Variants in RNF144A observed in about 807,000 individuals in gnomAD.
RNF144A encodes E3 ubiquitin-protein ligase RNF144A.
RNF144A carries 11 observed loss-of-function variants against 38.7 expected under a neutral mutation model. That is an observed-to-expected ratio of 0.28 (90% confidence interval 0.18 to 0.47). The LOEUF is 0.47. RNF144A is among the 20% of genes least tolerant of loss of function. The probability of loss-of-function intolerance (pLI) is 0.99; values close to 1 mark genes in which losing one functional copy is unlikely to be tolerated. For missense variants in RNF144A, 316 were observed against 377.2 expected (o/e 0.84, Z 1.34); for synonymous variants, 149 against 143.9 (o/e 1.04, Z -0.25).
chr2:7,071,831 TGAA>T (rs1371434141), downstream of RNF144A, among the ~76,000 whole-genome samples: 1 of 152,260 alleles, frequency 6.6e-6, no homozygotes, highest in Non-Finnish European at 1.5e-5. Context: ...TTGCTTTAAA[TGAA>T]GAAGACCATC....
chr2:6,969,301 C>T (rs2103343595), intron 2 of RNF144A, among the ~76,000 whole-genome samples: 1 of 152,164 alleles, frequency 6.6e-6, no homozygotes, highest in African/African-American at 2.4e-5. Context: ...TAAATTAGGT[C>T]ATTGAGGTAG....
At chr2:7,017,594 T>C (rs1671224275) in intron 5 of RNF144A, among the ~76,000 whole-genome samples, 1 of 152,230 alleles carries the variant, frequency 6.6e-6, no homozygotes, top group Admixed American at 6.5e-5. Context: ...GTTTTATGCA[T>C]TTTTAAGCAG....
At chr2:7,038,044 T>C (rs1672797280) in intron 8 of RNF144A, among the ~76,000 whole-genome samples, 1 of 152,250 alleles carries the variant, frequency 6.6e-6, no homozygotes, top group African/African-American at 2.4e-5. Flanking sequence ...GCCGCCTGAC[T>C]CAGATGATGG....
At position 7,038,009 on chromosome 2, in the gene RNF144A, G is replaced by T. The variant is rs187220295; in HGVS notation, c.748-1620G>T. ...AATGGCGAGGCCGGCTGGAAAGCAGGCTCTGTGCCTCTTTGACCAGCCATG... is the reference window on the plus strand; with the variant it reads ...AATGGCGAGGCCGGCTGGAAAGCAGTCTCTGTGCCTCTTTGACCAGCCATG... On this transcript the variant is annotated intron_variant, in intron 8 of 8. Coordinates refer to ENST00000320892, the MANE Select transcript of RNF144A (RefSeq NM_014746.6). Among the ~76,000 whole-genome samples, 783 of 152,358 alleles carry T rather than the reference G, an allele frequency of 5.1e-3. 7 individuals are homozygous for T. Among genetic ancestry groups the T allele is most frequent in the African/African-American group, 0.018 (748 of 41,578 alleles).
intron 2 of RNF144A, among the ~76,000 whole-genome samples, chr2:6,968,394 G>A (rs1667801609): frequency 6.6e-6 from 1 of 152,246 alleles, no homozygotes; most frequent in Non-Finnish European, 1.5e-5. Flanking sequence ...AGCAGGCAAG[G>A]TTAGAACAGA....
chr2:6,961,447 G>A (rs1406990742), intron 2 of RNF144A, among the ~76,000 whole-genome samples: 1 of 151,704 alleles, frequency 6.6e-6, no homozygotes, highest in African/African-American at 2.4e-5. Flanking sequence ...TGCACTGAGT[G>A]CCTTCTGTGT....
At chr2:6,927,705 A>C (rs1664966872) in intron 1 of RNF144A, among the ~76,000 whole-genome samples, 1 of 152,242 alleles carries the variant, frequency 6.6e-6, no homozygotes, top group South Asian at 2.1e-4. Flanking sequence ...TGTGAAAAAC[A>C]GAATGTAGAG....
intron 2 of RNF144A, among the ~76,000 whole-genome samples, chr2:6,952,580 T>TTA (rs1666754556): frequency 2.0e-5 from 3 of 150,490 alleles, no homozygotes; most frequent in African/African-American, 7.3e-5. Context: ...TGAGTCAGTT[T>TTA]TGTTAAGCTT....
At position 7,041,014 on chromosome 2, in the gene RNF144A, T is replaced by C; in HGVS notation, c.*1254T>C. 3 of 985,414 alleles carry C rather than the reference T, an allele frequency of 3.0e-6. No individual in the cohort carries two copies. The highest frequency in any genetic ancestry group is 3.6e-6 in the Non-Finnish European group (3 of 829,922). 61.0% of individuals were successfully genotyped at this position (985,414 alleles called of 1,614,324 possible). A position where few individuals can be genotyped will look rare whatever the true frequency, so the allele number is the denominator to read the frequency against. ...GGACACATACACATTATTCCACCAA[T>C]TGACTTTGAAAAGTGGAGAAAGTGT... On this transcript the variant is annotated 3_prime_UTR_variant, in exon 9 of 9. Coordinates refer to ENST00000320892, the MANE Select transcript of RNF144A (RefSeq NM_014746.6).
chr2:6,918,641 G>A (rs1414412893), intron 1 of RNF144A: 1 of 150,896 alleles, frequency 6.6e-6, no homozygotes, highest in Non-Finnish European at 1.5e-5. Context: ...GCGGGCGCCT[G>A]TAGTCCCAGC....
intron 7 of RNF144A, among the ~76,000 whole-genome samples, chr2:7,028,486 A>T (rs1672071623): frequency 6.6e-6 from 1 of 152,170 alleles, no homozygotes; most frequent in Non-Finnish European, 1.5e-5. Context: ...ATGTGCAGCC[A>T]GGCTTGTCCA....
At position 6,968,693 on chromosome 2, in the gene RNF144A, G is replaced by GTTT. The variant is rs5829092; in HGVS notation, c.-12+27555_-12+27557dup. 4.6e-4 allele frequency among the ~76,000 whole-genome samples: 69 copies of GTTT among 149,944 alleles called. No individual in the cohort carries two copies. The South Asian group carries it at 5.9e-3, about 13-fold the overall frequency. On this transcript the variant is annotated intron_variant, in intron 2 of 8. Transcript: ENST00000320892. The stretch of plus-strand genomic sequence containing the variant: ...AACACCCAGAATTACCTGTCAATGT[G>GTTT]TTTTTTTTTTTACAAATTTAGCCAC...
chr2:7,025,403 G>A (rs543700076), intron 7 of RNF144A, among the ~76,000 whole-genome samples: 37 of 152,338 alleles, frequency 2.4e-4, no homozygotes, highest in African/African-American at 8.7e-4. Flanking sequence ...GCCAGCCTCG[G>A]TGGCTCACGC....
rs138549088 is a variant in RNF144A at position 7,042,197 on chromosome 2, G to A, written c.*2437G>A. ...TCGCATTTCCTTCTGTTTTAGTAAG[G>A]AGTGCCAGACTTATCTTTGATGGGA... On this transcript the variant is annotated 3_prime_UTR_variant, in exon 9 of 9. Transcript: ENST00000320892. 1,273 of 985,392 alleles carry A rather than the reference G, an allele frequency of 1.3e-3. 12 individuals carry two copies. In the African/African-American group the frequency reaches 0.021, roughly 16 times the overall value. The allele number at this position is 985,392 out of a possible 1,614,324, so 61.0% of individuals were successfully genotyped here.
intron 1 of RNF144A, chr2:6,918,335 A>C (rs1055230534): frequency 6.6e-6 from 1 of 152,324 alleles, no homozygotes; most frequent in South Asian, 2.1e-4. Flanking sequence ...CTTGGCTCCC[A>C]GCTGTTTGGT....
rs148297565 is a variant in RNF144A at position 7,040,712 on chromosome 2, C to T, written c.*952C>T. 2.3e-4 allele frequency: 225 copies of T among 985,470 alleles called. 2 individuals are homozygous for T. In the African/African-American group the frequency reaches 3.7e-3, roughly 16 times the overall value. 61.0% of individuals were successfully genotyped at this position (985,470 alleles called of 1,614,324 possible). A position where few individuals can be genotyped will look rare whatever the true frequency, so the allele number is the denominator to read the frequency against. On this transcript the variant is annotated 3_prime_UTR_variant, in exon 9 of 9. Transcript: ENST00000320892. ...AGATAGACAGTAAGAAGAAAGCAGCCTCATTGATCCGCAGATGTAGGGGCC... is the reference window on the plus strand; with the variant it reads ...AGATAGACAGTAAGAAGAAAGCAGCTTCATTGATCCGCAGATGTAGGGGCC...
At chr2:6,922,709 C>T (rs1311583481) in intron 1 of RNF144A, among the ~76,000 whole-genome samples, 1 of 151,278 alleles carries the variant, frequency 6.6e-6, no homozygotes, top group African/African-American at 2.4e-5. Context: ...ACTGCAAGCT[C>T]CGCCTCCTGG....
intron 2 of RNF144A, among the ~76,000 whole-genome samples, chr2:6,964,294 G>A (rs1191039566): frequency 3.9e-5 from 6 of 152,162 alleles, no homozygotes; most frequent in African/African-American, 1.4e-4. Flanking sequence ...CAGTTAGAAT[G>A]GCAATCATTA....
intron 2 of RNF144A, among the ~76,000 whole-genome samples, chr2:6,993,755 A>G (rs1270760306): frequency 2.0e-5 from 3 of 152,026 alleles, no homozygotes; most frequent in Admixed American, 2.0e-4. Context: ...GAACTTCCGA[A>G]ATGACTAATT....
Sources: gnomAD v4.1 joint callset for allele counts (sites outside exome capture counted in the v4.1 genomes callset) on GRCh38, gnomAD v4.1.1 for gene constraint, MANE v1.5 for transcripts, NCBI Gene and HGNC (gene_info 2026-07-23, HGNC 2026-07-21) for gene names.